The following CHST9 variants were observed in gnomAD, a reference collection of about 807,000 sequenced individuals.
CHST9 encodes the protein carbohydrate sulfotransferase 9, also known as GalNAc-4-sulfotransferase 2.
CHST9 carries 41 observed loss-of-function variants against 44.4 expected under a neutral mutation model. That is an observed-to-expected ratio of 0.92 (90% CI 0.72 to 1.20). CHST9 has a LOEUF of 1.20. CHST9 is among the 50% of genes most tolerant of loss of function. The pLI is 0.00. For synonymous variants in CHST9, 171 were observed against 178.4 expected (o/e 0.96, Z 0.33); for missense variants, 504 against 516.5 (o/e 0.98, Z 0.23).
At chr18:27,088,327 A>T (rs1205533660) in intron 2 of CHST9, among the ~76,000 whole-genome samples, 1 of 151,406 alleles carries the variant, frequency 6.6e-6, no homozygotes, top group African/African-American at 2.4e-5. Context: ...CACACATTCA[A>T]TTTCCCATGT....
intron 5 of CHST9, chr18:26,934,866 A>G (rs1190842632): frequency 6.6e-6 from 1 of 152,204 alleles, no homozygotes; most frequent in African/African-American, 2.4e-5. Context: ...TCAAACTCCC[A>G]TATGATCCAT....
chr18:27,015,779 G>A lies in CHST9; in HGVS notation c.202+8337C>T, dbSNP rs187229934. ...GAATTCTTTAAAACCCTTTTTAGTA[G>A]AATTCTCTGCTTCTTGTTTCTCTGC... On this transcript the variant is annotated intron_variant, in intron 4 of 5. Transcript: ENST00000618847. 3.8e-3 allele frequency among the ~76,000 whole-genome samples: 575 copies of A among 152,132 alleles called. 2 individuals are homozygous for A. The highest frequency in any genetic ancestry group is 6.9e-3 in the Non-Finnish European group (467 of 67,996).
intron 2 of CHST9, among the ~76,000 whole-genome samples, chr18:27,059,588 C>T (rs977223107): frequency 3.3e-5 from 5 of 152,140 alleles, no homozygotes; most frequent in African/African-American, 1.2e-4. Context: ...CTTTAAATAG[C>T]AATTTATGTG....
intron 2 of CHST9, among the ~76,000 whole-genome samples, chr18:27,126,736 G>C (rs1279253622): frequency 6.6e-6 from 1 of 152,030 alleles, no homozygotes; most frequent in Non-Finnish European, 1.5e-5. Flanking sequence ...TCAAGCAGGA[G>C]GATAATCAGG....
chr18:26,945,224 A>G (rs2056145031), intron 4 of CHST9, among the ~76,000 whole-genome samples: 1 of 152,200 alleles, frequency 6.6e-6, no homozygotes, highest in African/African-American at 2.4e-5. Flanking sequence ...TTTAATTGAA[A>G]TAACTGTTGA....
intron 3 of CHST9, among the ~76,000 whole-genome samples, chr18:27,032,279 A>G (rs1276318369): frequency 2.0e-5 from 3 of 152,212 alleles, no homozygotes. Flanking sequence ...GGAGTTTAGC[A>G]GTAGAAACAA....
intron 2 of CHST9, among the ~76,000 whole-genome samples, chr18:27,089,289 C>T (rs1350875169): frequency 6.9e-6 from 1 of 145,046 alleles, no homozygotes; most frequent in Non-Finnish European, 1.5e-5. Context: ...CTCCCCCAGC[C>T]CCCCACCCCC....
rs769018799 is a variant in CHST9, at chr18:26,917,044, GAAGGA to G, written c.542_546del (p.Phe181SerfsTer29). 2.5e-6 allele frequency: 4 copies of G among 1,613,928 alleles called. No individual in the cohort carries two copies. The highest frequency in any genetic ancestry group is 3.4e-6 in the Non-Finnish European group (4 of 1,179,866). On this transcript the variant is annotated frameshift_variant, in exon 6 of 6. Transcript: ENST00000618847. LOFTEE classifies it high-confidence loss of function. The stretch of plus-strand genomic sequence containing the variant: ...CCACCGTATTTCTTGCAAAACTCCT[GAAGGA>G]AAGACCTTCGTTTCTCTTGGGTCTC...
chr18:27,035,249 T>A (rs1448838691), intron 3 of CHST9, among the ~76,000 whole-genome samples: 1 of 152,206 alleles, frequency 6.6e-6, no homozygotes, highest in African/African-American at 2.4e-5. Context: ...ATTTCCCTGA[T>A]GATTAGTGGT....
chr18:26,944,518 C>G, intron 4 of CHST9, 152 bp from the exon 5 acceptor site: 2 of 604,450 alleles, frequency 3.3e-6, no homozygotes, highest in South Asian at 4.4e-5. Flanking sequence ...TTTACAACCA[C>G]TTCAATAACT....
chr18:26,919,061 TA>T (rs1476468237), intron 5 of CHST9, among the ~76,000 whole-genome samples: 1 of 152,090 alleles, frequency 6.6e-6, no homozygotes, highest in East Asian at 1.9e-4. Context: ...CTGCCCTTTA[TA>T]AAACCATCAA....
intron 2 of CHST9, among the ~76,000 whole-genome samples, chr18:27,072,801 G>A (rs577225847): frequency 1.3e-5 from 2 of 152,306 alleles, no homozygotes; most frequent in South Asian, 4.1e-4. Context: ...ATAGAAGTAT[G>A]CCTTATTAAG....
chr18:27,147,405 G>C (rs2058621645), intron 1 of CHST9, among the ~76,000 whole-genome samples: 1 of 152,030 alleles, frequency 6.6e-6, no homozygotes, highest in Admixed American at 6.5e-5. Context: ...TGGGGTTTTG[G>C]GGAATGTCGG....
rs770960447 is a variant in CHST9 at position 27,048,458 on chromosome 18, ATCTTACCTG to A, written c.158_160+6del. 4.6e-5 allele frequency: 74 copies of A among 1,604,782 alleles called. 1 individual carries two copies. The highest frequency in any genetic ancestry group is 1.4e-5 in the Non-Finnish European group (16 of 1,175,912). On this transcript the variant is annotated splice_donor_variant and splice_donor_5th_base_variant and coding_sequence_variant and intron_variant, in exon 3 of 6. Transcript: ENST00000618847. LOFTEE classifies it high-confidence loss of function. Reference sequence around the variant, plus strand: ...ATAAAGCTGGAGCCCATTGGACAAAATCTTACCTGAAGTTACTTTTTGTTCTCTTCTCTT... The same window carrying A: ...ATAAAGCTGGAGCCCATTGGACAAAAAAGTTACTTTTTGTTCTCTTCTCTT...
chr18:27,160,335 G>A (rs554208638), intron 1 of CHST9, among the ~76,000 whole-genome samples: 1 of 152,274 alleles, frequency 6.6e-6, no homozygotes, highest in South Asian at 2.1e-4. Context: ...GTTGAATTTT[G>A]TCGAAGGCCT....
intron 1 of CHST9, among the ~76,000 whole-genome samples, chr18:27,162,063 A>G (rs1296550572): frequency 6.6e-6 from 1 of 151,986 alleles, no homozygotes; most frequent in Non-Finnish European, 1.5e-5. Context: ...TCTTTATCCA[A>G]TTTGCCAGTC....
chr18:26,972,213 C>G (rs188869118), intron 4 of CHST9, among the ~76,000 whole-genome samples: 169 of 151,822 alleles, frequency 1.1e-3, no homozygotes, highest in African/African-American at 3.8e-3. Context: ...AAAAATTATC[C>G]AGGCGTGATA....
intron 4 of CHST9, among the ~76,000 whole-genome samples, chr18:26,947,381 CA>C (rs1283017951): frequency 6.6e-6 from 1 of 151,864 alleles, no homozygotes; most frequent in African/African-American, 2.4e-5. Context: ...AAAGCAATGG[CA>C]AAAAAAGCCA....
intron 4 of CHST9, among the ~76,000 whole-genome samples, chr18:27,008,980 G>C (rs2057051172): frequency 6.6e-6 from 1 of 150,822 alleles, no homozygotes. Context: ...GGAATCACTT[G>C]CGAGTGCTCT....
Sources: allele counts gnomAD v4.1 joint callset (sites outside exome capture counted in the v4.1 genomes callset), GRCh38; gene constraint gnomAD v4.1.1; transcripts MANE v1.5; gene names NCBI Gene and HGNC (gene_info 2026-07-23, HGNC 2026-07-21).